CERS6: variants seen among roughly 807,000 people sequenced by gnomAD.
CERS6 encodes the protein ceramide synthase 6, also known as LAG1 homolog, ceramide synthase 6.
Under a neutral mutation model 56.8 loss-of-function variants are expected in CERS6, and 26 were observed. The observed-to-expected ratio is 0.46, with a 90% CI of 0.34 to 0.63. The LOEUF (loss-of-function observed/expected upper bound fraction) is 0.63, where lower values mean the gene tolerates loss of function less well. CERS6 is among the 30% of genes least tolerant of loss of function. The probability of loss-of-function intolerance (pLI) is 0.01; values close to 1 mark genes in which losing one functional copy is unlikely to be tolerated. For synonymous variants in CERS6, 164 were observed against 173.3 expected, an observed-to-expected ratio of 0.95 and a Z score of 0.42; for missense variants, 415 against 467.5, an observed-to-expected ratio of 0.89 and a Z score of 1.04.
At chr2:168,669,765 AT>A (rs1334820079) in intron 4 of CERS6, among the ~76,000 whole-genome samples, 2 of 152,236 alleles carry the variant, frequency 1.3e-5, no homozygotes, top group Non-Finnish European at 2.9e-5. Flanking sequence ...ATAAAGTTAT[AT>A]ACTCGCAGGT....
At chr2:168,580,766 A>T (rs1683389052) in intron 3 of CERS6, among the ~76,000 whole-genome samples, 1 of 152,016 alleles carries the variant, frequency 6.6e-6, no homozygotes, top group Non-Finnish European at 1.5e-5. Context: ...TTTTTCTCTG[A>T]GTATAGAATT....
chr2:168,668,559 G>A (rs143688755), intron 4 of CERS6, among the ~76,000 whole-genome samples: 375 of 150,154 alleles, frequency 2.5e-3, no homozygotes, highest in Non-Finnish European at 3.3e-3. Context: ...CAATTCTCCT[G>A]CCTCAGTCTC....
intron 6 of CERS6, among the ~76,000 whole-genome samples, chr2:168,710,176 C>T (rs1025982238): frequency 6.6e-6 from 1 of 152,104 alleles, no homozygotes; most frequent in Non-Finnish European, 1.5e-5. Context: ...TTTAAAGGAG[C>T]CGTGCTGTAT....
At chr2:168,650,667 G>A (rs984391448) in intron 4 of CERS6, among the ~76,000 whole-genome samples, 11 of 74,982 alleles carry the variant, frequency 1.5e-4, no homozygotes, top group Non-Finnish European at 2.1e-4. Flanking sequence ...TCTGACTTCC[G>A]GTGAATTTTT....
At chr2:168,542,850 C>G (rs894246918) in intron 1 of CERS6, among the ~76,000 whole-genome samples, 1 of 152,158 alleles carries the variant, frequency 6.6e-6, no homozygotes, top group Admixed American at 6.5e-5. Flanking sequence ...GCGTGCACCA[C>G]CACACCTGGC....
chr2:168,593,834 G>A (rs1473184596), intron 3 of CERS6, among the ~76,000 whole-genome samples: 1 of 152,082 alleles, frequency 6.6e-6, no homozygotes, highest in Non-Finnish European at 1.5e-5. Flanking sequence ...TGTTTCATGG[G>A]AACCCTAAAC....
intron 1 of CERS6, 51 bp from the exon 2 acceptor site, chr2:168,547,545 A>T: frequency 8.4e-7 from 1 of 1,194,216 alleles, no homozygotes; most frequent in Non-Finnish European, 1.2e-6. Context: ...TAAGAATCAC[A>T]TAGAAAGAAT....
In CERS6 at chr2:168,619,907, A is replaced by G. The variant is rs143677052; in HGVS notation, c.408-11078A>G. 5.0e-3 allele frequency among the ~76,000 whole-genome samples: 754 copies of G among 150,040 alleles called. 8 individuals carry two copies. Among genetic ancestry groups the G allele is most frequent in the African/African-American group, 0.017 (705 of 41,026 alleles). On this transcript the variant is annotated intron_variant, in intron 3 of 9. Coordinates refer to ENST00000305747, the MANE Select transcript of CERS6 (RefSeq NM_203463.3). ...CATGTTTATAGCTGCACAATTCACA[A>G]TTGTGAAAATGTGGAACCAGCCCAA...
chr2:168,616,059 C>A (rs1174282930), intron 3 of CERS6, among the ~76,000 whole-genome samples: 1 of 152,172 alleles, frequency 6.6e-6, no homozygotes, highest in Non-Finnish European at 1.5e-5. Context: ...GATTGGAGAC[C>A]TATCTTCAGC....
At chr2:168,751,664 CA>C (rs1163770210) in intron 8 of CERS6, among the ~76,000 whole-genome samples, 1 of 152,138 alleles carries the variant, frequency 6.6e-6, no homozygotes, top group African/African-American at 2.4e-5. Flanking sequence ...CCACAGTTTC[CA>C]TAACATTCTT....
intron 4 of CERS6, among the ~76,000 whole-genome samples, chr2:168,638,932 G>A (rs1684924932): frequency 6.6e-6 from 1 of 152,008 alleles, no homozygotes; most frequent in Non-Finnish European, 1.5e-5. Context: ...CTGAGTTCTT[G>A]CTCTTTTGTA....
At chr2:168,605,631 T>G (rs948493202) in intron 3 of CERS6, among the ~76,000 whole-genome samples, 1 of 152,172 alleles carries the variant, frequency 6.6e-6, no homozygotes. Context: ...GAAGAATGGT[T>G]TCCTGGGCTA....
At chr2:168,574,783 A>T (rs946258750) in intron 3 of CERS6, among the ~76,000 whole-genome samples, 5 of 152,244 alleles carry the variant, frequency 3.3e-5, no homozygotes, top group African/African-American at 1.2e-4. Context: ...ACTCTTGGGT[A>T]TACATTAGTA....
chr2:168,753,499 C>A (rs1262956769), intron 8 of CERS6, among the ~76,000 whole-genome samples: 1 of 152,122 alleles, frequency 6.6e-6, no homozygotes, highest in African/African-American at 2.4e-5. Context: ...TATTTGGGTT[C>A]TTTTCCCCCT....
At chr2:168,638,796 G>T (rs1055458615) in intron 4 of CERS6, among the ~76,000 whole-genome samples, 1 of 152,172 alleles carries the variant, frequency 6.6e-6, no homozygotes, top group Non-Finnish European at 1.5e-5. Flanking sequence ...TGGCATTTCA[G>T]ATTGACAGCT....
intron 4 of CERS6, among the ~76,000 whole-genome samples, chr2:168,637,187 A>T (rs563339574): frequency 6.6e-6 from 1 of 152,258 alleles, no homozygotes; most frequent in Admixed American, 6.5e-5. Context: ...CTTATCTTTA[A>T]TAAAAAATTG....
In CERS6 at chr2:168,559,733, T is replaced by TTTTATATATATATATATATATATATATA. The variant is rs61031993; in HGVS notation, c.277-1459_277-1458insTTTATATATATATATATATATATATATA. Among the ~76,000 whole-genome samples, 49 of 66,274 alleles carry TTTTATATATATATATATATATATATATA rather than the reference T, an allele frequency of 7.4e-4. 5 individuals are homozygous for TTTTATATATATATATATATATATATATA. The highest frequency in any genetic ancestry group is 1.9e-3 in the African/African-American group (39 of 20,198). 43.5% of individuals were successfully genotyped at this position (66,274 alleles called of 152,430 possible). A position where few individuals can be genotyped will look rare whatever the true frequency, so the allele number is the denominator to read the frequency against. ...TGCTTGAGCTGCTTTTAGAAAGGTATCATATATATATATATATATATTTCA... is the reference window on the plus strand; with the variant it reads ...TGCTTGAGCTGCTTTTAGAAAGGTATTTTATATATATATATATATATATATATACATATATATATATATATATATTTCA... On this transcript the variant is annotated intron_variant, in intron 2 of 9. Transcript: ENST00000305747.
rs111749701 is a variant in CERS6 at position 168,693,428 on chromosome 2, T to C, written c.517-1531T>C. ...TTGCCCTTATAATTCCTCTGGGGCC[T>C]TTCCCCAGGTGGTGATGTGGAAGTA... On this transcript the variant is annotated intron_variant, in intron 5 of 9. Coordinates refer to ENST00000305747, the MANE Select transcript of CERS6 (RefSeq NM_203463.3). Among the ~76,000 whole-genome samples the C allele has an allele frequency of 7.9e-3, 1,207 of 152,216 alleles. 17 individuals carry two copies. Among genetic ancestry groups the C allele is most frequent in the African/African-American group, 0.026 (1,099 of 41,538 alleles).
At chr2:168,666,815 A>G (rs1454989070) in intron 4 of CERS6, among the ~76,000 whole-genome samples, 1 of 152,212 alleles carries the variant, frequency 6.6e-6, no homozygotes, top group South Asian at 2.1e-4. Context: ...AGTCTCCTAA[A>G]ACCATATTCC....
Sources: gnomAD v4.1 joint callset for allele counts (sites outside exome capture counted in the v4.1 genomes callset) on GRCh38, gnomAD v4.1.1 for gene constraint, MANE v1.5 for transcripts, NCBI Gene and HGNC (gene_info 2026-07-23, HGNC 2026-07-21) for gene names.